The following ZNF236 variants were observed in gnomAD, a reference collection of about 807,000 sequenced individuals.
ZNF236 encodes regulated by glucose.
Under a neutral mutation model 191.2 loss-of-function variants are expected in ZNF236, and 50 were observed. That is an observed-to-expected ratio of 0.26 (90% confidence interval 0.21 to 0.33). The LOEUF (loss-of-function observed/expected upper bound fraction) is 0.33, where lower values mean the gene tolerates loss of function less well. Among genes scored for constraint, ZNF236 ranks in the 10% least tolerant of loss-of-function variants. ZNF236 has a pLI of 1.00. For missense variants in ZNF236, 1,754 were observed against 2,374.5 expected (o/e 0.74, Z 5.43); for synonymous variants, 907 against 928.8 (o/e 0.98, Z 0.43).
chr18:76,843,301 T>C (rs1975566687), intron 1 of ZNF236, among the ~76,000 whole-genome samples: 2 of 152,252 alleles, frequency 1.3e-5, no homozygotes, highest in South Asian at 4.1e-4. Flanking sequence ...CCTATCTATT[T>C]CCAAATATTT....
At chr18:76,944,077 G>A (rs1268182261) in intron 26 of ZNF236, among the ~76,000 whole-genome samples, 1 of 152,176 alleles carries the variant, frequency 6.6e-6, no homozygotes, top group Non-Finnish European at 1.5e-5. Context: ...CCCAGATTCA[G>A]TCGAACATTG....
rs1447849451 is a variant in ZNF236, at chr18:76,971,422, C to G, written c.*3083C>G. Among the ~76,000 whole-genome samples, 2 of 152,188 alleles carry G rather than the reference C, an allele frequency of 1.3e-5. No individual in the cohort carries two copies. Among genetic ancestry groups the G allele is most frequent in the Non-Finnish European group, 2.9e-5 (2 of 68,034 alleles). On this transcript the variant is annotated 3_prime_UTR_variant, in exon 31 of 31. Transcript: ENST00000320610. Reference sequence around the variant, plus strand: ...GCTCATCAAATGCCACTCTCCTCTTCCTGACAGTGTTCTGCTGGTGGGACA... The same window carrying G: ...GCTCATCAAATGCCACTCTCCTCTTGCTGACAGTGTTCTGCTGGTGGGACA...
At chr18:76,952,740 C>T (rs993054279) in intron 27 of ZNF236, among the ~76,000 whole-genome samples, 6 of 152,136 alleles carry the variant, frequency 3.9e-5, no homozygotes, top group Admixed American at 2.0e-4. Flanking sequence ...CCCAGGAGTT[C>T]GAGACTGCTG....
intron 14 of ZNF236, among the ~76,000 whole-genome samples, chr18:76,909,652 T>C (rs1340011288): frequency 6.6e-6 from 1 of 152,218 alleles, no homozygotes; most frequent in Non-Finnish European, 1.5e-5. Flanking sequence ...AGGCTTCTTA[T>C]CTCACACAGG....
At position 76,970,879 on chromosome 18, in the gene ZNF236, T is replaced by C. The variant is rs114279937; in HGVS notation, c.*2540T>C. The stretch of plus-strand genomic sequence containing the variant: ...AGGCGTTTACCCCTGCAGTGTCCAC[T>C]GGAAAGGCTTCAGACTTTCAAAATC... On this transcript the variant is annotated 3_prime_UTR_variant, in exon 31 of 31. Transcript: ENST00000320610. 7.9e-3 allele frequency among the ~76,000 whole-genome samples: 1,211 copies of C among 152,394 alleles called. 13 individuals carry two copies. Among genetic ancestry groups the C allele is most frequent in the African/African-American group, 0.027 (1,134 of 41,594 alleles).
rs200989478 is a variant in ZNF236, at chr18:76,851,965, T to G, written c.363+26T>G. Reference sequence around the variant, plus strand: ...GTAATCATCATCATTTTGCATATACTTTGTTAACTGATTGTTAAAATACAT... The same window carrying G: ...GTAATCATCATCATTTTGCATATACGTTGTTAACTGATTGTTAAAATACAT... On this transcript the variant is annotated intron_variant, in intron 3 of 30. Coordinates refer to ENST00000320610, the MANE Select transcript of ZNF236 (RefSeq NM_001306089.2). The G allele has an allele frequency of 3.4e-4, 534 of 1,576,610 alleles. No individual in the cohort carries two copies. The African/African-American group carries it at 6.1e-3, about 18-fold the overall frequency.
chr18:76,887,341 C>T (rs1977088247), intron 9 of ZNF236: 1 of 152,014 alleles, frequency 6.6e-6, no homozygotes, highest in Non-Finnish European at 1.5e-5. Context: ...TACTGCACTC[C>T]AGCCTGGGTG....
chr18:76,904,287 T>C, intron 11 of ZNF236, 93 bp from the exon 12 acceptor site: 10 of 1,284,406 alleles, frequency 7.8e-6, no homozygotes, highest in Non-Finnish European at 1.0e-5. Context: ...TTACCAGAAT[T>C]TTCATCTTCT....
intron 9 of ZNF236, among the ~76,000 whole-genome samples, chr18:76,882,812 A>G (rs900064225): frequency 6.6e-6 from 1 of 152,222 alleles, no homozygotes; most frequent in African/African-American, 2.4e-5. Context: ...AGGGCAGGAA[A>G]GGAAAACAGG....
At chr18:76,864,737 T>A (rs1459417489) in intron 3 of ZNF236, among the ~76,000 whole-genome samples, 1 of 151,018 alleles carries the variant, frequency 6.6e-6, no homozygotes, top group Non-Finnish European at 1.5e-5. Flanking sequence ...GGGAAAACGG[T>A]ACAAGACTCT....
At chr18:76,855,509 T>C (rs79632235) in intron 3 of ZNF236, among the ~76,000 whole-genome samples, 3,971 of 152,308 alleles carry the variant, frequency 0.026, 154 homozygotes, top group African/African-American at 0.088. Flanking sequence ...CAGTTAACTA[T>C]GTGTCTTAAG....
At chr18:76,922,800 C>T (rs904773463) in intron 20 of ZNF236, among the ~76,000 whole-genome samples, 1 of 152,026 alleles carries the variant, frequency 6.6e-6, no homozygotes, top group Non-Finnish European at 1.5e-5. Flanking sequence ...CAGGTGATCT[C>T]CCTGCCTCAG....
At chr18:76,901,321 A>T (rs1249574382) in intron 11 of ZNF236, among the ~76,000 whole-genome samples, 1 of 152,256 alleles carries the variant, frequency 6.6e-6, no homozygotes, top group Non-Finnish European at 1.5e-5. Context: ...CAAATACTCT[A>T]CAACTTTTTC....
At chr18:76,868,094 C>T (rs1323130275) in intron 3 of ZNF236, among the ~76,000 whole-genome samples, 1 of 151,988 alleles carries the variant, frequency 6.6e-6, no homozygotes, top group Non-Finnish European at 1.5e-5. Flanking sequence ...TATTTTTGCT[C>T]GGAGTCTTTG....
At chr18:76,941,496 C>G (rs936435925) in intron 26 of ZNF236, among the ~76,000 whole-genome samples, 1 of 152,200 alleles carries the variant, frequency 6.6e-6, no homozygotes, top group African/African-American at 2.4e-5. Flanking sequence ...CCCTCTCCCT[C>G]CCACCCACTG....
chr18:76,927,898 A>G lies in ZNF236; in HGVS notation c.4415-29A>G, dbSNP rs763277568. ...GGGAAATTGGTTATTTTGAATCTCA[A>G]CTTTGTTTTGCTTTGTAATGACAAT... is the stretch of plus-strand genomic sequence containing the variant. On this transcript the variant is annotated intron_variant, in intron 24 of 30. Coordinates refer to ENST00000320610, the MANE Select transcript of ZNF236 (RefSeq NM_001306089.2). The surrounding 1 kb of genome is among the most constrained non-coding windows in gnomAD (Gnocchi z 5.4). 6.6e-7 allele frequency: 1 copy of G among 1,507,624 alleles called. No individual in the cohort carries two copies. Among genetic ancestry groups the G allele is most frequent in the Non-Finnish European group, 8.9e-7 (1 of 1,126,056 alleles). The allele number at this position is 1,507,624 out of a possible 1,614,324, so 93.4% of individuals were successfully genotyped here.
At chr18:76,890,078 T>G (rs1415029622) in intron 9 of ZNF236, among the ~76,000 whole-genome samples, 3 of 152,248 alleles carry the variant, frequency 2.0e-5, no homozygotes, top group Non-Finnish European at 4.4e-5. Flanking sequence ...ATTTCACACA[T>G]GTACGTTTAT....
Position 76,927,853 on chromosome 18 carries a change from T to C in ZNF236, c.4415-74T>C, listed in dbSNP as rs1338823246. On this transcript the variant is annotated intron_variant, in intron 24 of 30. Transcript: ENST00000320610. This position sits in a 1 kb window ranked among gnomAD's most constrained non-coding sequence, Gnocchi z 5.4. ...ATATGTAATAACAGTTTAATTAAAA[T>C]ATTTTTAATATAAAAACAGGGGAAA... 3.6e-6 allele frequency: 4 copies of C among 1,105,686 alleles called. No homozygotes were observed. Among genetic ancestry groups the C allele is most frequent in the South Asian group, 1.9e-5 (1 of 51,388 alleles). 68.5% of individuals were successfully genotyped at this position (1,105,686 alleles called of 1,614,324 possible).
Position 76,878,206 on chromosome 18 carries a change from A to C in ZNF236, c.984+54A>C, listed in dbSNP as rs1008220277. On this transcript the variant is annotated intron_variant, in intron 7 of 30. Transcript: ENST00000320610. The stretch of plus-strand genomic sequence containing the variant: ...TTTTAAACTAAAATCTGTCATTTTA[A>C]ATATGACCTTTACAATTGAATATTT... 37 of 1,514,854 alleles carry C rather than the reference A, an allele frequency of 2.4e-5. No individual in the cohort carries two copies. In the African/African-American group the frequency reaches 4.8e-4, roughly 20 times the overall value. 93.8% of individuals were successfully genotyped at this position (1,514,854 alleles called of 1,614,324 possible).
Sources: allele counts gnomAD v4.1 joint callset (sites outside exome capture counted in the v4.1 genomes callset), GRCh38; gene constraint gnomAD v4.1.1; non-coding constraint Gnocchi (gnomAD v3.1); transcripts MANE v1.5; gene names NCBI Gene and HGNC (gene_info 2026-07-23, HGNC 2026-07-21).